Variants in AKAP6 observed in about 807,000 individuals in gnomAD.
AKAP6 encodes A-kinase anchoring protein 6.
A neutral mutation model predicts 188.5 loss-of-function variants in AKAP6; 58 were observed. That is an observed-to-expected ratio of 0.31 (90% CI 0.25 to 0.38). The LOEUF (loss-of-function observed/expected upper bound fraction) is 0.38. AKAP6 is among the 10% of genes least tolerant of loss of function. The pLI, the probability that AKAP6 is intolerant of heterozygous loss-of-function variation, is 1.00. For missense variants in AKAP6, 2,710 were observed against 2,740.0 expected (o/e 0.99, Z 0.24); for synonymous variants, 989 against 998.6 (o/e 0.99, Z 0.18).
chr14:32,432,999 G>A (rs12886529), intron 1 of AKAP6, among the ~76,000 whole-genome samples: 49,332 of 151,998 alleles, frequency 0.32, 10,296 homozygotes, highest in Non-Finnish European at 0.47. Context: ...CAGCCTGGAA[G>A]AAGGGGAGGA....
chr14:32,677,990 A>G (rs1207777765), intron 7 of AKAP6, among the ~76,000 whole-genome samples: 1 of 152,256 alleles, frequency 6.6e-6, no homozygotes, highest in Admixed American at 6.5e-5. Context: ...ATGTGACAAC[A>G]TAAGGAAGAA....
At chr14:32,447,245 A>G (rs1033909022) in intron 2 of AKAP6, among the ~76,000 whole-genome samples, 1 of 152,110 alleles carries the variant, frequency 6.6e-6, no homozygotes, top group Non-Finnish European at 1.5e-5. Context: ...TGCTTTTTTC[A>G]TATGTTGTTT....
rs2034886009 is a variant in AKAP6, at chr14:32,837,428, T to C, written c.*7623T>C. ...AAAATGATTGAAGGCATTAGGAACA[T>C]AAAAATGCATAAGATCCTCTTTTAA... On this transcript the variant is annotated 3_prime_UTR_variant, in exon 14 of 14. Transcript: ENST00000280979. 6.6e-6 allele frequency: 1 copy of C among 152,296 alleles called. No individual in the cohort carries two copies. The highest frequency in any genetic ancestry group is 1.9e-4 in the East Asian group (1 of 5,182). The allele number at this position is 152,296 out of a possible 1,614,324, so 9.4% of individuals were successfully genotyped here. A position where few individuals can be genotyped will look rare whatever the true frequency, so the allele number is the denominator to read the frequency against.
Position 32,599,503 on chromosome 14 carries a change from G to A in AKAP6, c.2563G>A (p.Ala855Thr). 3 of 1,612,550 alleles carry A rather than the reference G, an allele frequency of 1.9e-6. No individual in the cohort carries two copies. Among genetic ancestry groups the A allele is most frequent in the Non-Finnish European group, 2.5e-6 (3 of 1,179,086 alleles). ...TCTTGAGCTTATTGCATCTCACAAA[G>A]CAGGTAAATCCTCCTGAAATATTGC... ...QLLELIASHK[A>T]GLKDMLRMIA... Residue 855 changes from alanine to threonine, a missense_variant, in exon 6 of 14, where the codon GCA becomes ACA. This residue lies in a region of AKAP6 where 2,473 missense variants were observed against 2,426.1 expected (regional missense o/e 1.02). Coordinates refer to ENST00000280979, the MANE Select transcript of AKAP6 (RefSeq NM_004274.5).
At chr14:32,799,414 A>T in intron 12 of AKAP6, among the ~76,000 whole-genome samples, 1 of 151,886 alleles carries the variant, frequency 6.6e-6, no homozygotes, top group South Asian at 2.1e-4. Flanking sequence ...TGTTGATTTT[A>T]AATTTATCTT....
At chr14:32,438,125 G>A (rs1890447108) in intron 2 of AKAP6, among the ~76,000 whole-genome samples, 1 of 152,136 alleles carries the variant, frequency 6.6e-6, no homozygotes, top group Non-Finnish European at 1.5e-5. Context: ...AAGGAAGGCT[G>A]CTCAATGAGG....
At chr14:32,801,338 A>G (rs907706305) in intron 12 of AKAP6, among the ~76,000 whole-genome samples, 2 of 152,206 alleles carry the variant, frequency 1.3e-5, no homozygotes, top group East Asian at 1.9e-4. Flanking sequence ...AGAGCTTGCC[A>G]TAAACATTTT....
intron 7 of AKAP6, among the ~76,000 whole-genome samples, chr14:32,678,107 T>C (rs1889509591): frequency 6.6e-6 from 1 of 152,252 alleles, no homozygotes; most frequent in Non-Finnish European, 1.5e-5. Flanking sequence ...GGTTCATTTA[T>C]TCAGGTCATA....
intron 2 of AKAP6, among the ~76,000 whole-genome samples, chr14:32,483,082 C>A (rs186863593): frequency 1.3e-4 from 20 of 151,716 alleles, no homozygotes; most frequent in Non-Finnish European, 2.5e-4. Flanking sequence ...AATTTACATT[C>A]TTCCCAGCAA....
intron 1 of AKAP6, among the ~76,000 whole-genome samples, chr14:32,399,325 A>C (rs1889002502): frequency 6.6e-6 from 1 of 152,230 alleles, no homozygotes; most frequent in African/African-American, 2.4e-5. Flanking sequence ...GTGAAGTATC[A>C]TAAAATATAA....
chr14:32,563,510 C>A (rs1884048914), intron 4 of AKAP6, among the ~76,000 whole-genome samples: 1 of 152,146 alleles, frequency 6.6e-6, no homozygotes, highest in Admixed American at 6.5e-5. Context: ...AGGGTCAGGT[C>A]TTAGCAGCTC....
At chr14:32,797,868 AT>A (rs1468499276) in intron 12 of AKAP6, among the ~76,000 whole-genome samples, 1 of 151,524 alleles carries the variant, frequency 6.6e-6, no homozygotes, top group Non-Finnish European at 1.5e-5. Flanking sequence ...CATAACTAAG[AT>A]GCTAAAAGCA....
chr14:32,630,517 G>A (rs1480284310), intron 7 of AKAP6, among the ~76,000 whole-genome samples: 1 of 151,698 alleles, frequency 6.6e-6, no homozygotes, highest in Non-Finnish European at 1.5e-5. Context: ...CAGTAGTTCA[G>A]GGGAAAAAAG....
intron 1 of AKAP6, among the ~76,000 whole-genome samples, chr14:32,346,657 C>T (rs1334975717): frequency 1.3e-5 from 2 of 152,112 alleles, no homozygotes; most frequent in African/African-American, 4.8e-5. Context: ...TACAGGGGCC[C>T]GCCACCGCGC....
At chr14:32,539,719 T>C (rs551720858) in intron 3 of AKAP6, among the ~76,000 whole-genome samples, 4 of 152,270 alleles carry the variant, frequency 2.6e-5, no homozygotes, top group African/African-American at 9.6e-5. Context: ...TTGTATATGT[T>C]TTCCCCTTGC....
intron 2 of AKAP6, among the ~76,000 whole-genome samples, chr14:32,445,072 T>C (rs1233459159): frequency 1.3e-5 from 2 of 152,244 alleles, no homozygotes; most frequent in African/African-American, 4.8e-5. Flanking sequence ...AGCTTCTATC[T>C]GTCCTCCCAC....
intron 1 of AKAP6, among the ~76,000 whole-genome samples, chr14:32,415,788 TTATC>T (rs1316228233): frequency 3.3e-5 from 5 of 152,184 alleles, no homozygotes; most frequent in African/African-American, 1.2e-4. Flanking sequence ...CATATAGTAT[TTATC>T]TTTTTGTGAC....
intron 4 of AKAP6, among the ~76,000 whole-genome samples, chr14:32,550,772 A>G (rs1196657135): frequency 6.6e-6 from 1 of 152,162 alleles, no homozygotes; most frequent in East Asian, 1.9e-4. Context: ...CTCCCATAAA[A>G]TTCTTATAAC....
At chr14:32,691,106 C>T (rs1373933423) in intron 8 of AKAP6, among the ~76,000 whole-genome samples, 1 of 152,104 alleles carries the variant, frequency 6.6e-6, no homozygotes, top group Non-Finnish European at 1.5e-5. Flanking sequence ...AGGAAAGTCC[C>T]TCCAAAAGGG....
Sources: gnomAD v4.1 joint callset for allele counts (sites outside exome capture counted in the v4.1 genomes callset) on GRCh38, gnomAD v4.1.1 for gene constraint, gnomAD v4.1.1 regional missense constraint, MANE v1.5 for transcripts, NCBI Gene and HGNC (gene_info 2026-07-23, HGNC 2026-07-21) for gene names.